Variants in GSG1L2 observed in about 807,000 individuals in gnomAD.
GSG1L2 encodes the protein GSG1 like 2.
Under a neutral mutation model 9.0 loss-of-function variants are expected in GSG1L2, and 15 were observed. The observed-to-expected ratio is 1.67, with a 90% CI of 1.12 to 2.57. GSG1L2 has a LOEUF of 2.57. Among genes scored for constraint, GSG1L2 ranks in the 30% most tolerant of loss-of-function variants. The pLI is 0.00. For synonymous variants in GSG1L2, 127 were observed against 57.9 expected (o/e 2.19, Z -5.41); for missense variants, 286 against 150.3 (o/e 1.90, Z -4.72).
chr17:9,810,411 T>C (rs940188006), intron 2 of GSG1L2, 160 bp downstream of exon 2: 6 of 617,010 alleles, frequency 9.7e-6, no homozygotes, highest in East Asian at 5.5e-5. Flanking sequence ...CCACTGGCTA[T>C]AGGGCACAGG....
rs1053336953 is a variant in GSG1L2, at chr17:9,804,481, T to C, written c.624-1837A>G. On this transcript the variant is annotated intron_variant, in intron 4 of 4. Coordinates refer to ENST00000399363, the MANE Select transcript of GSG1L2 (RefSeq NM_001310219.2). Reference sequence around the variant, plus strand: ...CTGAAAATGGGATTGTATGGAAATCTGCACAGGAGTGGGAAGCTGTCCAGC... The same window carrying C: ...CTGAAAATGGGATTGTATGGAAATCCGCACAGGAGTGGGAAGCTGTCCAGC... 2.5e-4 allele frequency: 38 copies of C among 152,194 alleles called. 1 individual carries two copies. Among genetic ancestry groups the C allele is most frequent in the African/African-American group, 8.4e-4 (35 of 41,438 alleles). 9.4% of individuals were successfully genotyped at this position (152,194 alleles called of 1,614,324 possible).
In GSG1L2 at chr17:9,820,818, T is replaced by C. The variant is rs114871914; in HGVS notation, c.310+944A>G. ...GGCACACCCCACCATGTCCAGCTAA[T>C]TTTTTAAAAAAACCTTTTGTAAAGA... On this transcript the variant is annotated intron_variant, in intron 1 of 4. Transcript: ENST00000399363. This position sits in a 1 kb window ranked among gnomAD's most constrained non-coding sequence, Gnocchi z 4.9. 2.1e-3 allele frequency among the ~76,000 whole-genome samples: 326 copies of C among 152,164 alleles called. 1 individual carries two copies. Among genetic ancestry groups the C allele is most frequent in the African/African-American group, 7.1e-3 (295 of 41,530 alleles).
chr17:9,802,680 G>A (rs1389607478), intron 4 of GSG1L2, 36 bp from the exon 5 acceptor site: 1 of 695,062 alleles, frequency 1.4e-6, no homozygotes, highest in South Asian at 1.5e-5. Context: ...AAGGGCTGAG[G>A]GCTGTGATTC....
Position 9,816,892 on chromosome 17 carries a change from GTA to G in GSG1L2, c.310+4868_310+4869del, listed in dbSNP as rs1567711553. ...TGTCTGTGTGTGTATCTGTGTGTGT[GTA>G]TCTGTGTGTGTGTATCTGTGTGTGT... On this transcript the variant is annotated intron_variant, in intron 1 of 4. Coordinates refer to ENST00000399363, the MANE Select transcript of GSG1L2 (RefSeq NM_001310219.2). Among the ~76,000 whole-genome samples, 366 of 135,228 alleles carry G rather than the reference GTA, an allele frequency of 2.7e-3. 5 individuals carry two copies. The highest frequency in any genetic ancestry group is 9.4e-3 in the African/African-American group (332 of 35,314). 88.7% of individuals were successfully genotyped at this position (135,228 alleles called of 152,430 possible). A position where few individuals can be genotyped will look rare whatever the true frequency, so the allele number is the denominator to read the frequency against.
At chr17:9,817,444 C>A (rs1256033671) in intron 1 of GSG1L2, among the ~76,000 whole-genome samples, 1 of 140,322 alleles carries the variant, frequency 7.1e-6, no homozygotes, top group African/African-American at 2.7e-5. Flanking sequence ...TTTTTTTTTT[C>A]CTCGAAGTCT....
chr17:9,810,957 CT>C, intron 1 of GSG1L2: 1 of 338,574 alleles, frequency 3.0e-6, no homozygotes, highest in Non-Finnish European at 5.4e-6. Flanking sequence ...GCCTGGGTCC[CT>C]GAATAGCTAC....
At chr17:9,821,052 A>C (rs1378393162) in intron 1 of GSG1L2, among the ~76,000 whole-genome samples, 2 of 152,138 alleles carry the variant, frequency 1.3e-5, no homozygotes, top group African/African-American at 4.8e-5. Flanking sequence ...GCAATTAGAA[A>C]CTCCAGAAAA....
rs375589438 is a variant in GSG1L2, at chr17:9,809,082, AAAAC to A, written c.359-104_359-101del. ...TAGTTCACTTCTAAACAAAACATGA[AAAAC>A]AGACACGCTGGAGTGAAAATCACAG... On this transcript the variant is annotated intron_variant, in intron 2 of 4. Coordinates refer to ENST00000399363, the MANE Select transcript of GSG1L2 (RefSeq NM_001310219.2). The A allele has an allele frequency of 1.1e-3, 694 of 648,970 alleles. 6 individuals carry two copies. In the African/African-American group the frequency reaches 0.011, roughly 10 times the overall value. 40.2% of individuals were successfully genotyped at this position (648,970 alleles called of 1,614,324 possible). A position where few individuals can be genotyped will look rare whatever the true frequency, so the allele number is the denominator to read the frequency against.
At chr17:9,818,437 G>A (rs923865448) in intron 1 of GSG1L2, among the ~76,000 whole-genome samples, 7 of 150,380 alleles carry the variant, frequency 4.7e-5, no homozygotes, top group South Asian at 4.2e-4. Flanking sequence ...GGGTTCTAGC[G>A]ATTCTCCTGC....
chr17:9,805,075 A>C (rs2066511798), intron 4 of GSG1L2: 1 of 152,160 alleles, frequency 6.6e-6, no homozygotes, highest in Non-Finnish European at 1.5e-5. Context: ...AAAATATAAT[A>C]AAAAGAGAAA....
At chr17:9,811,926 GT>G (rs1388644112) in intron 1 of GSG1L2, among the ~76,000 whole-genome samples, 1 of 152,210 alleles carries the variant, frequency 6.6e-6, no homozygotes, top group African/African-American at 2.4e-5. Flanking sequence ...AGCAGAGCAT[GT>G]TTTTTTCCCA....
In GSG1L2 at chr17:9,819,854, C is replaced by T. The variant is rs190974582; in HGVS notation, c.310+1908G>A. ...TCACCAACTCCTGACCTCAGGTGAT[C>T]TGCCCGCCTCAGCCTTCCAAAATGC... On this transcript the variant is annotated intron_variant, in intron 1 of 4. Coordinates refer to ENST00000399363, the MANE Select transcript of GSG1L2 (RefSeq NM_001310219.2). Among the ~76,000 whole-genome samples the T allele has an allele frequency of 3.2e-3, 493 of 152,040 alleles. 6 individuals carry two copies. The highest frequency in any genetic ancestry group is 0.03 in the Admixed American group (452 of 15,272).
intron 4 of GSG1L2, among the ~76,000 whole-genome samples, chr17:9,806,356 G>A (rs1443267087): frequency 6.6e-6 from 1 of 152,094 alleles, no homozygotes; most frequent in Non-Finnish European, 1.5e-5. Context: ...CACAGTAACT[G>A]GTTTACTAAG....
intron 4 of GSG1L2, among the ~76,000 whole-genome samples, chr17:9,802,945 G>C (rs554592306): frequency 3.3e-5 from 5 of 152,242 alleles, no homozygotes; most frequent in African/African-American, 1.2e-4. Flanking sequence ...TGCAAAGCTG[G>C]AATAATATTA....
chr17:9,809,062 C>A, intron 2 of GSG1L2, 80 bp from the exon 3 acceptor site: 1 of 664,828 alleles, frequency 1.5e-6, no homozygotes, highest in Non-Finnish European at 2.8e-6. Flanking sequence ...TGATTTAGTT[C>A]ACTTCTAAAC....
intron 2 of GSG1L2, 46 bp from the exon 3 acceptor site, chr17:9,809,028 G>A (rs2066527746): frequency 2.9e-6 from 2 of 696,024 alleles, no homozygotes; most frequent in African/African-American, 3.5e-5. Flanking sequence ...TTCTAATTCA[G>A]AAATACTAAA....
Position 9,802,344 on chromosome 17 carries a change from T to C in GSG1L2, c.*42A>G, listed in dbSNP as rs73261406. ...GGTGTACATTGTGAGTGTCAGTGCC[T>C]GGCTTGTTTGCCTGTGCGGATGTGG... On this transcript the variant is annotated 3_prime_UTR_variant, in exon 5 of 5. Transcript: ENST00000399363. 4 of 616,048 alleles carry C rather than the reference T, an allele frequency of 6.5e-6. No individual in the cohort carries two copies. Among genetic ancestry groups the C allele is most frequent in the Non-Finnish European group, 1.2e-5 (4 of 341,554 alleles). The allele number at this position is 616,048 out of a possible 1,614,324, so 38.2% of individuals were successfully genotyped here.
intron 4 of GSG1L2, chr17:9,804,073 G>C (rs2066508199): frequency 1.3e-5 from 2 of 152,238 alleles, no homozygotes; most frequent in African/African-American, 4.8e-5. Context: ...AGAGTAAAGG[G>C]ATGTGTACTA....
At chr17:9,810,448 G>C (rs1743665920) in intron 2 of GSG1L2, 123 bp downstream of exon 2, 2 of 653,478 alleles carry the variant, frequency 3.1e-6, no homozygotes, top group Admixed American at 4.5e-5. Context: ...CTAGCTTTTG[G>C]GCTGGACTTC....
Sources: allele counts gnomAD v4.1 joint callset (sites outside exome capture counted in the v4.1 genomes callset), GRCh38; gene constraint gnomAD v4.1.1; non-coding constraint Gnocchi (gnomAD v3.1); transcripts MANE v1.5; gene names NCBI Gene and HGNC (gene_info 2026-07-23, HGNC 2026-07-21).